Variants in PCDH9 observed in about 807,000 individuals in gnomAD.
The protein encoded by PCDH9 is protocadherin-9.
PCDH9 carries 24 observed loss-of-function variants against 70.6 expected under a neutral mutation model. The observed-to-expected ratio is 0.34, with a 90% CI of 0.25 to 0.48. The LOEUF (loss-of-function observed/expected upper bound fraction) is 0.48. Ranked by LOEUF, PCDH9 falls within the 20% of genes least tolerant of loss-of-function variation. The probability of loss-of-function intolerance (pLI) is 0.99; values close to 1 mark genes in which losing one functional copy is unlikely to be tolerated. For missense variants in PCDH9, 1,281 were observed against 1,503.6 expected (o/e 0.85, Z 2.45); for synonymous variants, 562 against 558.5 (o/e 1.01, Z -0.09).
intron 4 of PCDH9, among the ~76,000 whole-genome samples, chr13:66,529,414 A>G (rs1484544613): frequency 2.0e-5 from 3 of 152,072 alleles, no homozygotes; most frequent in African/African-American, 7.2e-5. Flanking sequence ...TTTGGAGGGA[A>G]AACTGAAACT....
intron 3 of PCDH9, among the ~76,000 whole-genome samples, chr13:66,770,411 GTAGTATGCCCAAAAGTCT>G (rs61203157): frequency 0.081 from 12,345 of 152,188 alleles, 511 homozygotes; most frequent in East Asian, 0.14. Context: ...GTAGGTTTTA[GTAGTATGCCCAAAAGTCT>G]TAGATGAAGC....
At chr13:66,571,443 G>A (rs2076731496) in intron 4 of PCDH9, among the ~76,000 whole-genome samples, 2 of 151,734 alleles carry the variant, frequency 1.3e-5, no homozygotes, top group African/African-American at 4.8e-5. Context: ...GAATGTTATG[G>A]CAAAATATAA....
At chr13:66,370,043 C>A (rs1477286176) in intron 4 of PCDH9, among the ~76,000 whole-genome samples, 1 of 152,092 alleles carries the variant, frequency 6.6e-6, no homozygotes, top group Non-Finnish European at 1.5e-5. Context: ...CAAATATCCA[C>A]TGGTCCCAAG....
intron 3 of PCDH9, among the ~76,000 whole-genome samples, chr13:66,772,313 T>A (rs1043832266): frequency 1.3e-5 from 2 of 152,238 alleles, no homozygotes; most frequent in African/African-American, 4.8e-5. Flanking sequence ...TTTTGTGGCA[T>A]CATTTGATGT....
intron 3 of PCDH9, among the ~76,000 whole-genome samples, chr13:66,681,465 G>C (rs1004215263): frequency 6.6e-6 from 1 of 151,856 alleles, no homozygotes; most frequent in Non-Finnish European, 1.5e-5. Context: ...CTTTTCTTTT[G>C]GGAAATACTC....
In PCDH9 at chr13:66,383,237, C is replaced by T. The variant is rs752879047; in HGVS notation, c.3341-78209G>A. Among the ~76,000 whole-genome samples, 7 of 152,116 alleles carry T rather than the reference C, an allele frequency of 4.6e-5. No homozygotes were observed. The East Asian group carries it at 1.2e-3, about 25-fold the overall frequency. ...ATGAGCACAAAAAATGGCATGCCTC[C>T]GTATGAGTGCTTCACCAACGTATAA... On this transcript the variant is annotated intron_variant, in intron 4 of 4. Transcript: ENST00000377865.
At chr13:67,196,103 T>G (rs1384602686) in intron 2 of PCDH9, among the ~76,000 whole-genome samples, 1 of 152,168 alleles carries the variant, frequency 6.6e-6, no homozygotes, top group African/African-American at 2.4e-5. Flanking sequence ...TATGGATACA[T>G]CACTTAATAT....
intron 4 of PCDH9, among the ~76,000 whole-genome samples, chr13:66,403,678 GAAT>G (rs2138301563): frequency 6.6e-6 from 1 of 152,056 alleles, no homozygotes; most frequent in East Asian, 1.9e-4. Flanking sequence ...AGAATACAAA[GAAT>G]AATAGGATCA....
At chr13:66,605,280 A>G (rs924786060) in intron 4 of PCDH9, among the ~76,000 whole-genome samples, 4 of 152,100 alleles carry the variant, frequency 2.6e-5, no homozygotes, top group African/African-American at 9.7e-5. Flanking sequence ...TGATAAACTC[A>G]TTGGATTTGT....
At chr13:66,992,758 A>G (rs2084029492) in intron 2 of PCDH9, among the ~76,000 whole-genome samples, 1 of 152,128 alleles carries the variant, frequency 6.6e-6, no homozygotes, top group Non-Finnish European at 1.5e-5. Flanking sequence ...AAAAAATAGC[A>G]CAGAAGAGAA....
chr13:66,861,740 TA>T lies in PCDH9; in HGVS notation c.3138+41763del, dbSNP rs559518094. 5.3e-5 allele frequency among the ~76,000 whole-genome samples: 8 copies of T among 152,282 alleles called. No homozygotes were observed. In the South Asian group the frequency reaches 1.7e-3, roughly 32 times the overall value. On this transcript the variant is annotated intron_variant, in intron 3 of 4. Transcript: ENST00000377865. ...TTTAACTCTAAGAAAAATATTTTAATATTTCCATAGCTTTACATGTCTATAA... is the reference window on the plus strand; with the variant it reads ...TTTAACTCTAAGAAAAATATTTTAATTTTCCATAGCTTTACATGTCTATAA...
At chr13:66,934,914 G>T (rs907294450) in intron 2 of PCDH9, among the ~76,000 whole-genome samples, 4 of 149,712 alleles carry the variant, frequency 2.7e-5, no homozygotes, top group Admixed American at 2.0e-4. Flanking sequence ...TAGAGACGGG[G>T]TTTCACCGTG....
chr13:67,091,492 T>C (rs2086217470), intron 2 of PCDH9, among the ~76,000 whole-genome samples: 1 of 152,150 alleles, frequency 6.6e-6, no homozygotes. Flanking sequence ...TGTTGTTCTC[T>C]TACTGTTACA....
chr13:67,179,015 A>G (rs75296754), intron 2 of PCDH9, among the ~76,000 whole-genome samples: 3,150 of 152,204 alleles, frequency 0.021, 105 homozygotes, highest in African/African-American at 0.071. Flanking sequence ...AAAAATGTTA[A>G]ATATAAACTT....
chr13:66,636,189 C>CCA (rs2138949800), intron 3 of PCDH9, among the ~76,000 whole-genome samples: 1 of 152,146 alleles, frequency 6.6e-6, no homozygotes, highest in South Asian at 2.1e-4. Flanking sequence ...ATTATTTTGA[C>CCA]CACACTAAAA....
chr13:66,457,512 T>A (rs888013251), intron 4 of PCDH9, among the ~76,000 whole-genome samples: 4 of 152,030 alleles, frequency 2.6e-5, no homozygotes, highest in Non-Finnish European at 5.9e-5. Flanking sequence ...CCTTCCTTCA[T>A]ATACATAATT....
chr13:66,914,077 C>G (rs1377060147), intron 2 of PCDH9, among the ~76,000 whole-genome samples: 1 of 151,776 alleles, frequency 6.6e-6, no homozygotes, highest in Non-Finnish European at 1.5e-5. Flanking sequence ...CTTCAACAAG[C>G]CTAAAACCTA....
intron 2 of PCDH9, among the ~76,000 whole-genome samples, chr13:67,026,085 T>A (rs2084774897): frequency 6.6e-6 from 1 of 152,180 alleles, no homozygotes; most frequent in African/African-American, 2.4e-5. Context: ...TGTACACATC[T>A]GCATCTATTG....
intron 2 of PCDH9, among the ~76,000 whole-genome samples, chr13:67,131,607 A>G (rs139298346): frequency 1.4e-3 from 216 of 152,328 alleles, no homozygotes; most frequent in African/African-American, 5.0e-3. Flanking sequence ...GCTATTTTTC[A>G]ATATGCATTA....
Sources: gnomAD v4.1 joint callset for allele counts (sites outside exome capture counted in the v4.1 genomes callset) on GRCh38, gnomAD v4.1.1 for gene constraint, MANE v1.5 for transcripts, NCBI Gene and HGNC (gene_info 2026-07-23, HGNC 2026-07-21) for gene names.